MEIKIN: variants seen among roughly 807,000 people sequenced by gnomAD.
MEIKIN encodes meiotic kinetochore factor, also known as meiosis-specific kinetochore protein.
intron 9 of MEIKIN, among the ~76,000 whole-genome samples, chr5:131,871,693 C>T (rs1441576513): frequency 6.6e-6 from 1 of 152,236 alleles, no homozygotes; most frequent in African/African-American, 2.4e-5. Flanking sequence ...AATGGGTAGA[C>T]TGCCTCCTCA....
chr5:131,836,470 C>A (rs1389302148), intron 11 of MEIKIN, among the ~76,000 whole-genome samples: 3 of 152,186 alleles, frequency 2.0e-5, no homozygotes, highest in African/African-American at 4.8e-5. Context: ...AAGAAATTGC[C>A]ATAATGCTTT....
At chr5:131,874,172 C>CA (rs1441862701) in intron 9 of MEIKIN, among the ~76,000 whole-genome samples, 1 of 151,878 alleles carries the variant, frequency 6.6e-6, no homozygotes, top group Non-Finnish European at 1.5e-5. Flanking sequence ...AATAGAGACA[C>CA]AAAAAAACCC....
At chr5:131,919,557 A>C (rs1315082333) in intron 6 of MEIKIN, among the ~76,000 whole-genome samples, 1 of 152,230 alleles carries the variant, frequency 6.6e-6, no homozygotes, top group Non-Finnish European at 1.5e-5. Flanking sequence ...AAAAAATAAA[A>C]GGAAGATCTC....
chr5:131,847,806 T>C (rs1032145158), intron 11 of MEIKIN, among the ~76,000 whole-genome samples: 7 of 151,996 alleles, frequency 4.6e-5, no homozygotes, highest in African/African-American at 1.2e-4. Context: ...TTTTAAAAGA[T>C]AGATATCATA....
intron 5 of MEIKIN, among the ~76,000 whole-genome samples, chr5:131,924,184 T>C (rs1751553325): frequency 6.6e-6 from 1 of 152,152 alleles, no homozygotes; most frequent in Non-Finnish European, 1.5e-5. Flanking sequence ...TGAATAATAT[T>C]CCATTGTATT....
chr5:131,841,928 T>G (rs1010693471), intron 11 of MEIKIN, among the ~76,000 whole-genome samples: 18 of 152,230 alleles, frequency 1.2e-4, no homozygotes, highest in Admixed American at 9.2e-4. Flanking sequence ...ATATTGTTTA[T>G]TAGTTCTAAC....
intron 11 of MEIKIN, among the ~76,000 whole-genome samples, chr5:131,822,116 T>C (rs900977904): frequency 6.6e-6 from 1 of 152,204 alleles, no homozygotes; most frequent in Non-Finnish European, 1.5e-5. Flanking sequence ...TTCTTTTTGG[T>C]TTCTATTGGG....
intron 9 of MEIKIN, among the ~76,000 whole-genome samples, chr5:131,856,284 C>A (rs956462366): frequency 6.6e-6 from 1 of 152,148 alleles, no homozygotes; most frequent in Non-Finnish European, 1.5e-5. Flanking sequence ...AGAGTAGGAG[C>A]TACTCAATGA....
intron 10 of MEIKIN, among the ~76,000 whole-genome samples, chr5:131,854,468 A>G (rs1470311528): frequency 2.0e-5 from 3 of 152,216 alleles, no homozygotes; most frequent in Admixed American, 1.3e-4. Context: ...ACACTTAAAA[A>G]TGGTTAAAAT....
intron 5 of MEIKIN, among the ~76,000 whole-genome samples, chr5:131,929,752 G>A (rs1051361202): frequency 1.3e-5 from 2 of 152,096 alleles, no homozygotes; most frequent in Admixed American, 1.3e-4. Flanking sequence ...TGTACTCAAT[G>A]TTTAGTTCCC....
At chr5:131,887,070 G>A (rs2149632056) in intron 8 of MEIKIN, among the ~76,000 whole-genome samples, 1 of 151,400 alleles carries the variant, frequency 6.6e-6, no homozygotes, top group East Asian at 2.0e-4. Context: ...CTATAGGTAA[G>A]AACATGCGGT....
chr5:131,920,861 C>A (rs1043141139), intron 6 of MEIKIN, among the ~76,000 whole-genome samples: 1 of 152,078 alleles, frequency 6.6e-6, no homozygotes, highest in Non-Finnish European at 1.5e-5. Flanking sequence ...ACCATCACAT[C>A]TGGCTCATTT....
intron 8 of MEIKIN, among the ~76,000 whole-genome samples, chr5:131,882,607 T>A (rs1032729246): frequency 1.3e-5 from 2 of 152,224 alleles, no homozygotes; most frequent in African/African-American, 4.8e-5. Flanking sequence ...AAAAAATATA[T>A]ATCTGATCAT....
At chr5:131,937,193 T>C (rs1271790573) in intron 4 of MEIKIN, among the ~76,000 whole-genome samples, 2 of 152,228 alleles carry the variant, frequency 1.3e-5, no homozygotes, top group African/African-American at 4.8e-5. Flanking sequence ...CACGAACATC[T>C]GCTTCATTTC....
intron 8 of MEIKIN, among the ~76,000 whole-genome samples, chr5:131,880,105 T>A (rs749467822): frequency 6.6e-6 from 1 of 151,756 alleles, no homozygotes; most frequent in African/African-American, 2.4e-5. Context: ...CAATTTTTTT[T>A]GAGACGGAGT....
At chr5:131,872,026 C>T (rs184656708) in intron 9 of MEIKIN, among the ~76,000 whole-genome samples, 2 of 151,506 alleles carry the variant, frequency 1.3e-5, no homozygotes, top group East Asian at 3.9e-4. Context: ...ACCAAAGGTA[C>T]ATAAAACCAC....
intron 8 of MEIKIN, among the ~76,000 whole-genome samples, chr5:131,906,238 C>T (rs1478776567): frequency 6.6e-6 from 1 of 152,106 alleles, no homozygotes; most frequent in African/African-American, 2.4e-5. Context: ...CAAAAGAAGA[C>T]ATACACACGA....
chr5:131,941,379 G>A (rs557477146), intron 4 of MEIKIN, among the ~76,000 whole-genome samples: 106 of 151,776 alleles, frequency 7.0e-4, no homozygotes, highest in Middle Eastern at 3.4e-3. Context: ...GGCTGGTCTC[G>A]AACTCCTGAC....
chr5:131,812,038 T>C (rs902684674), intron 12 of MEIKIN, among the ~76,000 whole-genome samples: 2 of 152,198 alleles, frequency 1.3e-5, no homozygotes, highest in Non-Finnish European at 2.9e-5. Context: ...GAATTCCCCC[T>C]TGTAATCCCT....
Sources: gnomAD v4.1 joint callset for allele counts (sites outside exome capture counted in the v4.1 genomes callset) on GRCh38, gnomAD v4.1.1 for gene constraint, MANE v1.5 for transcripts, NCBI Gene and HGNC (gene_info 2026-07-23, HGNC 2026-07-21) for gene names.